SLC24A2: variants seen among roughly 807,000 people sequenced by gnomAD.
SLC24A2 encodes sodium/potassium/calcium exchanger 2.
In SLC24A2, 36 loss-of-function variants were observed where a neutral mutation model predicts 62.0. The observed-to-expected ratio is 0.58, with a 90% CI of 0.44 to 0.77. The LOEUF (loss-of-function observed/expected upper bound fraction) is 0.77, where lower values mean the gene tolerates loss of function less well. Among genes scored for constraint, SLC24A2 ranks in the 30% least tolerant of loss-of-function variants. SLC24A2 has a pLI of 0.00. For missense variants in SLC24A2, 846 were observed against 817.9 expected, an observed-to-expected ratio of 1.03 and a Z score of -0.42; for synonymous variants, 358 against 294.0, an observed-to-expected ratio of 1.22 and a Z score of -2.23.
the SLC24A2 span, among the ~76,000 whole-genome samples, chr9:20,070,549 GGCACA>G: frequency 2.6e-5 from 4 of 152,214 alleles, no homozygotes; most frequent in African/African-American, 9.6e-5. Context: ...GGTGTGCTTT[GGCACA>G]GCACAGCATT....
chr9:20,235,887 C>A, the SLC24A2 span, among the ~76,000 whole-genome samples: 235 of 152,118 alleles, frequency 1.5e-3, no homozygotes, highest in African/African-American at 5.5e-3. Context: ...CTATTTCTTT[C>A]TTTTTTTAAA....
At chr9:19,547,609 AAGGGCCTTG>A (rs984385556) in intron 8 of SLC24A2, among the ~76,000 whole-genome samples, 8 of 151,786 alleles carry the variant, frequency 5.3e-5, no homozygotes, top group African/African-American at 1.9e-4. Context: ...TCTGAGAGTC[AAGGGCCTTG>A]ACTTACTGGC....
the SLC24A2 span, among the ~76,000 whole-genome samples, chr9:19,837,673 C>G: frequency 4.9e-4 from 74 of 152,032 alleles, no homozygotes; most frequent in African/African-American, 1.8e-3. Flanking sequence ...AAAACCCCAT[C>G]GTCTCAGCCA....
chr9:19,785,972 C>A lies in SLC24A2; in HGVS notation c.895G>T (p.Val299Phe), dbSNP rs774393366. ...GCTTCTGGTGCTGTCACCTTGACGA[C>A]CTTATTGCGGTTTATCATTTGCTTC... ...WVKQMINRNKVVKVTAPEAQA... is the reference protein window; with the variant it reads ...WVKQMINRNKFVKVTAPEAQA... The change falls in exon 2 of 11, where the codon GTC becomes TTC. Residue 299 changes from valine (V) to phenylalanine (F), a missense_variant. Transcript: ENST00000341998. The A allele has an allele frequency of 1.9e-6, 3 of 1,614,192 alleles. No homozygotes were observed. Among genetic ancestry groups the A allele is most frequent in the Non-Finnish European group, 1.7e-6 (2 of 1,180,026 alleles).
chr9:19,565,318 ACAACAGAC>A (rs1167040959), intron 7 of SLC24A2, among the ~76,000 whole-genome samples: 211 of 142,656 alleles, frequency 1.5e-3, no homozygotes, highest in African/African-American at 5.4e-3. Flanking sequence ...TTATACACCA[ACAACAGAC>A]AAACAGAGAG....
intron 2 of SLC24A2, among the ~76,000 whole-genome samples, chr9:19,660,833 C>T (rs1257051061): frequency 1.3e-5 from 2 of 152,152 alleles, no homozygotes; most frequent in Admixed American, 1.3e-4. Context: ...CTTATTTAAC[C>T]CTCATGAAAC....
the SLC24A2 span, chr9:19,926,495 A>G: frequency 6.6e-6 from 1 of 152,166 alleles, no homozygotes; most frequent in Non-Finnish European, 1.5e-5. Context: ...TCATCCAATC[A>G]GTGTCCAGGT....
rs147362642 is a variant in SLC24A2 at position 19,577,109 on chromosome 9, C to T, written c.1130-87G>A. On this transcript the variant is annotated intron_variant, in intron 5 of 10. Transcript: ENST00000341998. ...AGCAGGTATGTGGCCTCCTCAGTCA[C>T]GCTGCACTAATAGCGTGACCACTCC... The T allele has an allele frequency of 2.0e-3, 1,943 of 996,246 alleles. 6 individuals are homozygous for T. The highest frequency in any genetic ancestry group is 3.7e-3 in the Middle Eastern group (18 of 4,876). 61.7% of individuals were successfully genotyped at this position (996,246 alleles called of 1,614,324 possible).
At chr9:19,922,852 G>A in the SLC24A2 span, among the ~76,000 whole-genome samples, 439 of 151,766 alleles carry the variant, frequency 2.9e-3, 1 homozygote, top group Middle Eastern at 0.017. Flanking sequence ...GAATGCATGA[G>A]GATTTTTCTC....
rs113027736 is a variant in SLC24A2 at position 19,592,321 on chromosome 9, T to TATAC, written c.1129+4904_1129+4907dup. On this transcript the variant is annotated intron_variant, in intron 5 of 10. Coordinates refer to ENST00000341998, the MANE Select transcript of SLC24A2 (RefSeq NM_020344.4). ...ACAACTTTTCTACCATTTTCTCCCTTATACAAATGAACAAGGATTGACTTT... is the reference window on the plus strand; with the variant it reads ...ACAACTTTTCTACCATTTTCTCCCTTATACATACAAATGAACAAGGATTGACTTT... 3.6e-3 allele frequency among the ~76,000 whole-genome samples: 541 copies of TATAC among 152,332 alleles called. 4 individuals are homozygous for TATAC. The highest frequency in any genetic ancestry group is 0.013 in the African/African-American group (522 of 41,566).
intron 7 of SLC24A2, among the ~76,000 whole-genome samples, chr9:19,559,861 C>A (rs1204644065): frequency 6.6e-6 from 1 of 152,138 alleles, no homozygotes; most frequent in Admixed American, 6.5e-5. Flanking sequence ...TTCCTTATGT[C>A]AATGGACTAC....
At chr9:20,159,237 A>G in the SLC24A2 span, among the ~76,000 whole-genome samples, 1 of 151,646 alleles carries the variant, frequency 6.6e-6, no homozygotes, top group South Asian at 2.1e-4. Flanking sequence ...TACTAGAGCA[A>G]TGTTTCTCAA....
chr9:19,686,150 A>G (rs573910589), intron 2 of SLC24A2, among the ~76,000 whole-genome samples: 2 of 152,312 alleles, frequency 1.3e-5, no homozygotes, highest in East Asian at 1.9e-4. Context: ...GCCAAGAAGC[A>G]TATGAAAAAA....
At chr9:19,912,357 G>C in the SLC24A2 span, among the ~76,000 whole-genome samples, 1 of 152,126 alleles carries the variant, frequency 6.6e-6, no homozygotes, top group Non-Finnish European at 1.5e-5. Flanking sequence ...TGGAAAAATG[G>C]TTACAAATAG....
At chr9:19,520,221 C>T (rs1159910688) in intron 10 of SLC24A2, among the ~76,000 whole-genome samples, 2 of 152,192 alleles carry the variant, frequency 1.3e-5, no homozygotes, top group African/African-American at 4.8e-5. Context: ...CTTATTCTCT[C>T]AGGGTACTGA....
intron 2 of SLC24A2, among the ~76,000 whole-genome samples, chr9:19,626,654 A>C (rs1446011791): frequency 6.6e-6 from 1 of 152,238 alleles, no homozygotes; most frequent in East Asian, 1.9e-4. Flanking sequence ...CATGATTAGA[A>C]TATTAATCCA....
At chr9:20,169,946 G>A in the SLC24A2 span, among the ~76,000 whole-genome samples, 2 of 152,088 alleles carry the variant, frequency 1.3e-5, no homozygotes, top group Admixed American at 1.3e-4. Context: ...TACAAGAAGT[G>A]AAGGGATAAA....
chr9:20,192,478 T>C, the SLC24A2 span, among the ~76,000 whole-genome samples: 1 of 152,104 alleles, frequency 6.6e-6, no homozygotes, highest in African/African-American at 2.4e-5. Context: ...GAGGAATCAT[T>C]AACATCAGAA....
At chr9:19,972,522 T>C in the SLC24A2 span, among the ~76,000 whole-genome samples, 1 of 152,302 alleles carries the variant, frequency 6.6e-6, no homozygotes, top group East Asian at 1.9e-4. Flanking sequence ...ATCAGTGCTA[T>C]TCGAAGTGTG....
Sources: gnomAD v4.1 joint callset for allele counts (sites outside exome capture counted in the v4.1 genomes callset) on GRCh38, gnomAD v4.1.1 for gene constraint, MANE v1.5 for transcripts, NCBI Gene and HGNC (gene_info 2026-07-23, HGNC 2026-07-21) for gene names.